Variants in CPNE1 observed in about 807,000 individuals in gnomAD.
The protein encoded by CPNE1 is copine-1.
In CPNE1, 58 loss-of-function variants were observed where a neutral mutation model predicts 63.2. The observed-to-expected ratio is 0.92, with a 90% CI of 0.74 to 1.14. CPNE1 has a LOEUF of 1.14. Ranked by LOEUF, CPNE1 falls within the 50% of genes most tolerant of loss-of-function variation. The probability of loss-of-function intolerance (pLI) is 0.00; values close to 1 mark genes in which losing one functional copy is unlikely to be tolerated. For synonymous variants in CPNE1, 237 were observed against 249.0 expected (o/e 0.95, Z 0.45); for missense variants, 672 against 661.7 (o/e 1.02, Z -0.17).
chr20:35,630,668 T>TGTC (rs1386824725), intron 12 of CPNE1, 73 bp downstream of exon 12: 35 of 1,572,078 alleles, frequency 2.2e-5, no homozygotes, highest in Non-Finnish European at 2.8e-5. Flanking sequence ...AAGTAGCAAG[T>TGTC]AAATTTACCA....
At chr20:35,658,478 C>A (rs961852973) in intron 1 of CPNE1, among the ~76,000 whole-genome samples, 1 of 152,060 alleles carries the variant, frequency 6.6e-6, no homozygotes, top group African/African-American at 2.4e-5. Context: ...AAAAACCACA[C>A]CGGCCTGGGT....
intron 1 of CPNE1, among the ~76,000 whole-genome samples, chr20:35,641,012 C>G (rs1397134936): frequency 6.6e-6 from 1 of 152,202 alleles, no homozygotes; most frequent in African/African-American, 2.4e-5. Flanking sequence ...CTGCTTTCTA[C>G]CACTTAGGAG....
At chr20:35,650,465 C>T (rs2033423461) in intron 1 of CPNE1, 1 of 152,558 alleles carries the variant, frequency 6.6e-6, no homozygotes, top group Admixed American at 6.5e-5. Flanking sequence ...ATATCTGTGG[C>T]TGAAATACAA....
intron 13 of CPNE1, among the ~76,000 whole-genome samples, chr20:35,630,080 G>A (rs1386895254): frequency 6.6e-6 from 1 of 152,158 alleles, no homozygotes; most frequent in East Asian, 1.9e-4. Flanking sequence ...AATCACCTGA[G>A]GTCAGGAATT....
chr20:35,650,436 T>C (rs1568930092), intron 1 of CPNE1: 1 of 152,528 alleles, frequency 6.6e-6, no homozygotes, highest in African/African-American at 2.4e-5. Context: ...AAAATGAAAA[T>C]AGCTTTCCAA....
chr20:35,632,058 G>C (rs1239360906), intron 5 of CPNE1, 33 bp from the exon 6 acceptor site: 1 of 1,547,102 alleles, frequency 6.5e-7, no homozygotes, highest in Non-Finnish European at 8.9e-7. Context: ...ACAAGACTCA[G>C]GAACAAACAA....
At chr20:35,627,253 A>C in intron 14 of CPNE1, 27 bp downstream of exon 14, 1 of 1,572,588 alleles carries the variant, frequency 6.4e-7, no homozygotes. Context: ...GATTGCCACC[A>C]CTGCCACTGC....
At chr20:35,628,021 C>T (rs768825332) in intron 13 of CPNE1, among the ~76,000 whole-genome samples, 1 of 152,056 alleles carries the variant, frequency 6.6e-6, no homozygotes, top group Non-Finnish European at 1.5e-5. Flanking sequence ...GTGGCTCAGG[C>T]CTGTAATCCC....
intron 1 of CPNE1, among the ~76,000 whole-genome samples, chr20:35,648,365 T>C (rs528888038): frequency 1.3e-5 from 2 of 152,374 alleles, no homozygotes; most frequent in East Asian, 1.9e-4. Flanking sequence ...AACTATTTCT[T>C]GCTGTAAAAC....
At chr20:35,642,742 T>C (rs2032882155) in intron 1 of CPNE1, among the ~76,000 whole-genome samples, 1 of 152,206 alleles carries the variant, frequency 6.6e-6, no homozygotes, top group Non-Finnish European at 1.5e-5. Flanking sequence ...AAACTACACA[T>C]TCCTTATTCA....
intron 1 of CPNE1, chr20:35,654,509 G>A: frequency 1.9e-6 from 3 of 1,614,218 alleles, no homozygotes; most frequent in Non-Finnish European, 2.5e-6. Context: ...ATAGGATTCA[G>A]ATTATTGTTC....
chr20:35,637,579 A>T (rs2032558333), intron 1 of CPNE1, among the ~76,000 whole-genome samples: 1 of 148,648 alleles, frequency 6.7e-6, no homozygotes, highest in African/African-American at 2.5e-5. Flanking sequence ...TCCTTTATGA[A>T]CCCTTGCCTG....
At chr20:35,627,602 T>A in intron 13 of CPNE1, 189 bp from the exon 14 acceptor site, 1 of 527,818 alleles carries the variant, frequency 1.9e-6, no homozygotes, top group Non-Finnish European at 3.3e-6. Flanking sequence ...AGGAGGGGAC[T>A]TGCCCTAAAT....
At chr20:35,662,346 C>A (rs1403758429) in intron 1 of CPNE1, among the ~76,000 whole-genome samples, 2 of 152,212 alleles carry the variant, frequency 1.3e-5, no homozygotes, top group African/African-American at 2.4e-5. Context: ...GTCTTAAAAG[C>A]TGGCTTTAAA....
At chr20:35,655,928 CA>C (rs2033871665) in intron 1 of CPNE1, among the ~76,000 whole-genome samples, 1 of 152,100 alleles carries the variant, frequency 6.6e-6, no homozygotes, top group Admixed American at 6.5e-5. Flanking sequence ...GAACTGGTTC[CA>C]TTATTTTATT....
At chr20:35,649,828 CAG>C (rs758801264) in intron 1 of CPNE1, 2 of 151,714 alleles carry the variant, frequency 1.3e-5, no homozygotes, top group African/African-American at 4.8e-5. Flanking sequence ...CCATTAATGT[CAG>C]AGTCACCAAA....
At chr20:35,663,156 A>G (rs2034328654) in intron 1 of CPNE1, among the ~76,000 whole-genome samples, 1 of 152,206 alleles carries the variant, frequency 6.6e-6, no homozygotes, top group South Asian at 2.1e-4. Flanking sequence ...ACTCTTTGAA[A>G]ATGTCTGCAC....
chr20:35,637,820 C>A (rs1349808438), intron 1 of CPNE1, among the ~76,000 whole-genome samples: 1 of 152,186 alleles, frequency 6.6e-6, no homozygotes, highest in African/African-American at 2.4e-5. Flanking sequence ...CCTAACTAAT[C>A]ATCTAGCCAC....
chr20:35,630,781 G>C lies in CPNE1; in HGVS notation c.1010C>G (p.Pro337Arg). Reference sequence around the variant, plus strand: ...AACCTGGGCCCCAAATCCAAATGCAGGGAACAGCTTGTCTCTGTGGGAGGA... The same window carrying C: ...AACCTGGGCCCCAAATCCAAATGCACGGAACAGCTTGTCTCTGTGGGAGGA... The part of the protein sequence containing the change: ...VQDYDSDKLF[P>R]AFGFGAQVPP... Residue 337 changes from proline to arginine, a missense_variant, in exon 12 of 16, where the codon CCT (proline) becomes CGT (arginine). Coordinates refer to ENST00000397443, the MANE Select transcript of CPNE1 (RefSeq NM_152925.3). 6.2e-7 allele frequency: 1 copy of C among 1,613,918 alleles called. No homozygotes were observed. The highest frequency in any genetic ancestry group is 8.5e-7 in the Non-Finnish European group (1 of 1,179,896).
Sources: allele counts gnomAD v4.1 joint callset (sites outside exome capture counted in the v4.1 genomes callset), GRCh38; gene constraint gnomAD v4.1.1; transcripts MANE v1.5; gene names NCBI Gene and HGNC (gene_info 2026-07-23, HGNC 2026-07-21).